The following NATD1 variants were observed in gnomAD, a reference collection of about 807,000 sequenced individuals.
NATD1 encodes the protein N-acetyltransferase domain containing 1, also known as protein NATD1.
NATD1 carries 9 observed loss-of-function variants against 12.0 expected under a neutral mutation model. The observed-to-expected ratio is 0.75, with a 90% CI of 0.45 to 1.30. The LOEUF (loss-of-function observed/expected upper bound fraction) is 1.30. Among genes scored for constraint, NATD1 ranks in the 50% most tolerant of loss-of-function variants. The pLI is 0.00. For missense variants in NATD1, 148 were observed against 148.5 expected, an observed-to-expected ratio of 1.00 and a Z score of 0.02; for synonymous variants, 71 against 65.9, an observed-to-expected ratio of 1.08 and a Z score of -0.37.
In NATD1 at chr17:21,244,152, A is replaced by C; in HGVS notation, c.179T>G (p.Val60Gly). 6.2e-7 allele frequency: 1 copy of C among 1,612,878 alleles called. No individual in the cohort carries two copies. Residue 60 changes from valine (V) to glycine (G), a missense_variant, in exon 2 of 3, where the codon GTC (valine) becomes GGC (glycine). By Grantham distance (109) the Val-to-Gly change is moderately radical. Transcript: ENST00000611551. The surrounding 1 kb of genome is among the most constrained non-coding windows in gnomAD (Gnocchi z 5.2). Reference protein sequence around the residue: ...KRIVDLQHTEVPDAYRGRGIA... With the variant: ...KRIVDLQHTEGPDAYRGRGIA... ...GCCACGCCCACGGTAGGCATCTGGG[A>C]CCTCGGTGTGCTGCAGGTCCACGAT...
intron 1 of NATD1, among the ~76,000 whole-genome samples, chr17:21,252,888 T>G (rs886331709): frequency 7.2e-5 from 11 of 151,726 alleles, no homozygotes; most frequent in African/African-American, 2.7e-4. Flanking sequence ...CCCTGGCCCC[T>G]GCTCTCCCGG....
At chr17:21,246,357 T>TA (rs1421739138) in intron 1 of NATD1, among the ~76,000 whole-genome samples, 1 of 151,788 alleles carries the variant, frequency 6.6e-6, no homozygotes, top group Non-Finnish European at 1.5e-5. Flanking sequence ...CTACTAAAGA[T>TA]ACAAAAATTA....
At chr17:21,245,826 C>A (rs529496955) in intron 1 of NATD1, among the ~76,000 whole-genome samples, 1 of 152,182 alleles carries the variant, frequency 6.6e-6, no homozygotes, top group African/African-American at 2.4e-5. Context: ...CCTGCAGCCC[C>A]GCCCCCACAC....
chr17:21,250,914 A>T (rs768052348), intron 1 of NATD1, among the ~76,000 whole-genome samples: 2 of 152,138 alleles, frequency 1.3e-5, no homozygotes, highest in Non-Finnish European at 2.9e-5. Flanking sequence ...GCACAACAGC[A>T]CCAGCCTCCA....
At chr17:21,248,920 T>C (rs1975351345) in intron 1 of NATD1, among the ~76,000 whole-genome samples, 1 of 152,114 alleles carries the variant, frequency 6.6e-6, no homozygotes, top group Admixed American at 6.5e-5. Flanking sequence ...TCCTCCCTCC[T>C]GGGCCTGAGA....
intron 1 of NATD1, among the ~76,000 whole-genome samples, chr17:21,249,954 C>T (rs1975360384): frequency 6.6e-6 from 1 of 152,254 alleles, no homozygotes; most frequent in African/African-American, 2.4e-5. Context: ...AAGTCACAGC[C>T]ATGCTTCCTT....
chr17:21,250,344 C>G (rs1975363690), intron 1 of NATD1, among the ~76,000 whole-genome samples: 1 of 152,228 alleles, frequency 6.6e-6, no homozygotes, highest in Non-Finnish European at 1.5e-5. Flanking sequence ...TGCCACCCTC[C>G]AGGGAGGGGC....
rs1429186161 is a variant in NATD1, at chr17:21,244,305, C to G, written c.107-81G>C. 2.5e-6 allele frequency: 3 copies of G among 1,176,604 alleles called. No individual in the cohort carries two copies. The African/African-American group carries it at 4.6e-5, about 18-fold the overall frequency. The allele number at this position is 1,176,604 out of a possible 1,614,324, so 72.9% of individuals were successfully genotyped here. A position where few individuals can be genotyped will look rare whatever the true frequency, so the allele number is the denominator to read the frequency against. ...GCACCAAGACGGGTGGAGGGACAGG[C>G]ATTTGGAGTCATTCAGCTGCTACAG... On this transcript the variant is annotated intron_variant, in intron 1 of 2. Transcript: ENST00000611551. This position sits in a 1 kb window ranked among gnomAD's most constrained non-coding sequence, Gnocchi z 5.2.
chr17:21,250,508 A>G (rs1264553133), intron 1 of NATD1, among the ~76,000 whole-genome samples: 2 of 152,038 alleles, frequency 1.3e-5, no homozygotes, highest in African/African-American at 4.8e-5. Context: ...GCCCCAGGAG[A>G]CCCCGACACC....
rs924523566 is a variant in NATD1, at chr17:21,240,676, C to T, written c.*2637G>A. The T allele has an allele frequency of 3.3e-5, 5 of 152,304 alleles. No individual in the cohort carries two copies. Among genetic ancestry groups the T allele is most frequent in the Non-Finnish European group, 4.4e-5 (3 of 68,092 alleles). The allele number at this position is 152,304 out of a possible 1,614,324, so 9.4% of individuals were successfully genotyped here. A position where few individuals can be genotyped will look rare whatever the true frequency, so the allele number is the denominator to read the frequency against. On this transcript the variant is annotated 3_prime_UTR_variant, in exon 3 of 3. Transcript: ENST00000611551. ...CAGCTCTGTGGGAGACCTGCAGGCCCCTGAGCATCCCCTGCCCCAGTCAGG... is the reference window on the plus strand; with the variant it reads ...CAGCTCTGTGGGAGACCTGCAGGCCTCTGAGCATCCCCTGCCCCAGTCAGG...
At chr17:21,251,292 A>AG (rs1975372873) in intron 1 of NATD1, among the ~76,000 whole-genome samples, 1 of 144,948 alleles carries the variant, frequency 6.9e-6, no homozygotes, top group African/African-American at 2.6e-5. Flanking sequence ...AGAAAGAAAA[A>AG]GAAAAAAAAA....
intron 1 of NATD1, among the ~76,000 whole-genome samples, chr17:21,248,731 A>G (rs3889498): frequency 0.5 from 76,095 of 151,882 alleles, 19,155 homozygotes; most frequent in Middle Eastern, 0.57. Context: ...TGCCTTGAGA[A>G]CTCCAGACCT....
intron 1 of NATD1, among the ~76,000 whole-genome samples, chr17:21,251,323 CCT>C (rs1006398715): frequency 2.0e-5 from 3 of 151,998 alleles, no homozygotes; most frequent in African/African-American, 7.2e-5. Context: ...AAACGTATCC[CCT>C]CTTCTTTCTG....
rs1975242183 is a variant in NATD1, at chr17:21,239,302, G to GCTGT, written c.*4007_*4010dup. On this transcript the variant is annotated 3_prime_UTR_variant, in exon 3 of 3. Transcript: ENST00000611551. ...GTTGTATCTGTTTATTGCTTTTAAG[G>GCTGT]CTGTCATGAGCAGACATAAGACCTC... 1 of 152,182 alleles carries GCTGT rather than the reference G, an allele frequency of 6.6e-6. No homozygotes were observed. Among genetic ancestry groups the GCTGT allele is most frequent in the Admixed American group, 6.5e-5 (1 of 15,270 alleles). The allele number at this position is 152,182 out of a possible 1,614,324, so 9.4% of individuals were successfully genotyped here.
chr17:21,249,115 C>T (rs1597785335), intron 1 of NATD1, among the ~76,000 whole-genome samples: 1 of 152,002 alleles, frequency 6.6e-6, no homozygotes. Context: ...AGACAGGGGA[C>T]AGGGGCAGGA....
chr17:21,243,292 G>A lies in NATD1; in HGVS notation c.*21C>T, dbSNP rs369373235. 2.3e-5 allele frequency: 36 copies of A among 1,599,734 alleles called. No homozygotes were observed. The highest frequency in any genetic ancestry group is 1.2e-4 in the African/African-American group (9 of 74,724). On this transcript the variant is annotated 3_prime_UTR_variant, in exon 3 of 3. Transcript: ENST00000611551. ...CACGTGGAAGAGTCCGGCAGGGAGC[G>A]CTCCCGCCTGCAGGCCAGGGTTACG...
At chr17:21,249,699 C>T (rs1275923984) in intron 1 of NATD1, among the ~76,000 whole-genome samples, 1 of 152,186 alleles carries the variant, frequency 6.6e-6, no homozygotes. Flanking sequence ...GACACTCAGC[C>T]CTGCCTGTGA....
chr17:21,244,241 C>T lies in NATD1; in HGVS notation c.107-17G>A, dbSNP rs1199746439. On this transcript the variant is annotated splice_polypyrimidine_tract_variant and intron_variant, in intron 1 of 2. Transcript: ENST00000611551. The surrounding 1 kb of genome is among the most constrained non-coding windows in gnomAD (Gnocchi z 5.2). ...CATGACATCCTGGGGGTTGTGGAGA[C>T]AGGTAAGCCTATGCTGACTCCCATC... 24 of 1,605,420 alleles carry T rather than the reference C, an allele frequency of 1.5e-5. No individual in the cohort carries two copies. The highest frequency in any genetic ancestry group is 2.0e-5 in the Non-Finnish European group (23 of 1,175,248).
chr17:21,252,598 C>T (rs1037322628), intron 1 of NATD1, among the ~76,000 whole-genome samples: 1 of 152,164 alleles, frequency 6.6e-6, no homozygotes, highest in East Asian at 1.9e-4. Context: ...CTCACTCCCC[C>T]CAGGGGACCA....
Sources: gnomAD v4.1 joint callset for allele counts (sites outside exome capture counted in the v4.1 genomes callset) on GRCh38, gnomAD v4.1.1 for gene constraint, Gnocchi (gnomAD v3.1) non-coding constraint, MANE v1.5 for transcripts, NCBI Gene and HGNC (gene_info 2026-07-23, HGNC 2026-07-21) for gene names.